GABRB2: variants seen among roughly 807,000 people sequenced by gnomAD.
GABRB2 encodes gamma-aminobutyric acid type A receptor subunit beta2, also known as gamma-aminobutyric acid receptor subunit beta-2.
GABRB2 carries 16 observed loss-of-function variants against 54.7 expected under a neutral mutation model. That is an observed-to-expected ratio of 0.29 (90% confidence interval 0.20 to 0.44). GABRB2 has a LOEUF of 0.44. GABRB2 is among the 20% of genes least tolerant of loss of function. GABRB2 has a pLI of 1.00. For synonymous variants in GABRB2, 244 were observed against 233.8 expected, an observed-to-expected ratio of 1.04 and a Z score of -0.40; for missense variants, 355 against 644.0, an observed-to-expected ratio of 0.55 and a Z score of 4.86.
Position 161,476,593 on chromosome 5 carries a change from T to C in GABRB2, c.238-16749A>G, listed in dbSNP as rs574830699. Among the ~76,000 whole-genome samples the C allele has an allele frequency of 1.8e-3, 278 of 151,798 alleles. 1 individual carries two copies. Among genetic ancestry groups the C allele is most frequent in the Admixed American group, 3.8e-3 (57 of 15,196 alleles). On this transcript the variant is annotated intron_variant, in intron 3 of 9. Transcript: ENST00000393959. The stretch of plus-strand genomic sequence containing the variant: ...AGTGTGGTAGGGGCATAAACACAAA[T>C]GTATGGCCAATGGAATAGAATAGAA...
At chr5:161,329,001 T>G (rs1283996679) in intron 8 of GABRB2, among the ~76,000 whole-genome samples, 1 of 152,174 alleles carries the variant, frequency 6.6e-6, no homozygotes, top group African/African-American at 2.4e-5. Flanking sequence ...TTTTCACCAC[T>G]ATGGGGTAAC....
At chr5:161,374,037 G>A (rs1275209812) in intron 5 of GABRB2, among the ~76,000 whole-genome samples, 1 of 152,084 alleles carries the variant, frequency 6.6e-6, no homozygotes. Flanking sequence ...TCTGCCTCCT[G>A]GGTTAAAGCA....
chr5:161,543,307 T>A (rs559309267), intron 3 of GABRB2, among the ~76,000 whole-genome samples: 16 of 152,310 alleles, frequency 1.1e-4, no homozygotes, highest in Non-Finnish European at 2.2e-4. Context: ...AAATGTTGCA[T>A]GTAGGCAAAA....
chr5:161,453,803 G>A lies in GABRB2; in HGVS notation c.458+5821C>T, dbSNP rs562319395. ...TGTAATCCTAGCACACTGGGAGGTC[G>A]GGGTGGGCAGATCATTTGAAATCAG... On this transcript the variant is annotated intron_variant, in intron 4 of 9. Transcript: ENST00000393959. Among the ~76,000 whole-genome samples, 24 of 152,098 alleles carry A rather than the reference G, an allele frequency of 1.6e-4. 1 individual carries two copies. Among genetic ancestry groups the A allele is most frequent in the Admixed American group, 3.9e-4 (6 of 15,264 alleles).
chr5:161,380,094 T>G (rs1755421482), intron 5 of GABRB2, among the ~76,000 whole-genome samples: 1 of 152,158 alleles, frequency 6.6e-6, no homozygotes, highest in South Asian at 2.1e-4. Context: ...TTCTATAGAA[T>G]CTAATTCATT....
At chr5:161,416,819 C>T (rs929125302) in intron 4 of GABRB2, among the ~76,000 whole-genome samples, 1 of 149,446 alleles carries the variant, frequency 6.7e-6, no homozygotes, top group African/African-American at 2.5e-5. Flanking sequence ...CATAAAAGCA[C>T]AATTTATTCT....
chr5:161,371,927 CT>C (rs1755144436), intron 5 of GABRB2, among the ~76,000 whole-genome samples: 1 of 151,872 alleles, frequency 6.6e-6, no homozygotes, highest in Non-Finnish European at 1.5e-5. Context: ...ACAGGGTCTC[CT>C]TATGTTGCCC....
chr5:161,400,898 C>G (rs1223627759), intron 5 of GABRB2, among the ~76,000 whole-genome samples: 2 of 152,096 alleles, frequency 1.3e-5, no homozygotes, highest in Non-Finnish European at 2.9e-5. Flanking sequence ...TCAACTTACC[C>G]AGGTTTTACA....
chr5:161,425,958 C>T (rs888055223), intron 4 of GABRB2, among the ~76,000 whole-genome samples: 2 of 152,114 alleles, frequency 1.3e-5, no homozygotes, highest in East Asian at 1.9e-4. Context: ...TATCAAGGAT[C>T]TCTCACATGT....
intron 3 of GABRB2, among the ~76,000 whole-genome samples, chr5:161,543,330 T>G (rs908696181): frequency 6.6e-6 from 1 of 152,218 alleles, no homozygotes; most frequent in Non-Finnish European, 1.5e-5. Context: ...TGAATAGAAC[T>G]TAAAGGAAAG....
chr5:161,420,412 T>C (rs1334388206), intron 4 of GABRB2, among the ~76,000 whole-genome samples: 1 of 152,240 alleles, frequency 6.6e-6, no homozygotes, highest in African/African-American at 2.4e-5. Context: ...TTCCACAATC[T>C]ACCTTTAACC....
intron 3 of GABRB2, among the ~76,000 whole-genome samples, chr5:161,463,324 C>T (rs935558179): frequency 6.7e-5 from 10 of 148,472 alleles, no homozygotes; most frequent in Non-Finnish European, 1.5e-4. Context: ...ACACCACACA[C>T]ACACACACAC....
At chr5:161,536,832 A>C (rs1010752071) in intron 3 of GABRB2, among the ~76,000 whole-genome samples, 1 of 152,074 alleles carries the variant, frequency 6.6e-6, no homozygotes, top group Non-Finnish European at 1.5e-5. Flanking sequence ...TCCTGACCTC[A>C]GGTGATTCAC....
At chr5:161,311,378 A>C (rs1194654197) in intron 9 of GABRB2, among the ~76,000 whole-genome samples, 1 of 149,540 alleles carries the variant, frequency 6.7e-6, no homozygotes, top group African/African-American at 2.5e-5. Flanking sequence ...CTGTGATTCA[A>C]ATGTGCAACT....
rs538758883 is a variant in GABRB2, at chr5:161,358,170, A to G, written c.542-21401T>C. 2.4e-3 allele frequency among the ~76,000 whole-genome samples: 371 copies of G among 152,324 alleles called. 1 individual carries two copies. Among genetic ancestry groups the G allele is most frequent in the Non-Finnish European group, 4.2e-3 (285 of 68,032 alleles). ...TATAAGTAAGGTAAGAAGGAAACCT[A>G]TTAAGAGTATGGTCAATAAAATCAA... On this transcript the variant is annotated intron_variant, in intron 5 of 9. Transcript: ENST00000393959.
chr5:161,421,673 A>G (rs1052247233), intron 4 of GABRB2, among the ~76,000 whole-genome samples: 10 of 152,048 alleles, frequency 6.6e-5, no homozygotes, highest in Non-Finnish European at 1.5e-4. Context: ...AGACCCCTCA[A>G]TCCACTATGG....
At chr5:161,332,064 G>A in intron 7 of GABRB2, among the ~76,000 whole-genome samples, 1 of 151,292 alleles carries the variant, frequency 6.6e-6, no homozygotes, top group Non-Finnish European at 1.5e-5. Context: ...TACTCGGGAG[G>A]CTGAGGCAGG....
intron 5 of GABRB2, among the ~76,000 whole-genome samples, chr5:161,362,174 T>C (rs1171759973): frequency 6.6e-6 from 1 of 152,220 alleles, no homozygotes; most frequent in Non-Finnish European, 1.5e-5. Flanking sequence ...TTTTGATTGC[T>C]GTAGCCATGT....
Position 161,316,144 on chromosome 5 carries a change from G to C in GABRB2, c.1191+10224C>G, listed in dbSNP as rs143458049. ...GTATCTTAGAGCTATGTAATTTTGA[G>C]GTTACTGGATGAGATCTTGATGATC... On this transcript the variant is annotated intron_variant, in intron 9 of 9. Transcript: ENST00000393959. Among the ~76,000 whole-genome samples the C allele has an allele frequency of 1.9e-3, 285 of 152,254 alleles. 1 individual carries two copies. Among genetic ancestry groups the C allele is most frequent in the African/African-American group, 6.7e-3 (277 of 41,550 alleles).
Sources: gnomAD v4.1 joint callset for allele counts (sites outside exome capture counted in the v4.1 genomes callset) on GRCh38, gnomAD v4.1.1 for gene constraint, MANE v1.5 for transcripts, NCBI Gene and HGNC (gene_info 2026-07-23, HGNC 2026-07-21) for gene names.